The following MAP2K5 variants were observed in gnomAD, a reference collection of about 807,000 sequenced individuals.
MAP2K5 encodes the protein dual specificity mitogen-activated protein kinase kinase 5.
In MAP2K5, 49 loss-of-function variants were observed where a neutral mutation model predicts 83.1. The observed-to-expected ratio is 0.59, with a 90% CI of 0.47 to 0.75. The LOEUF is 0.75. MAP2K5 is among the 30% of genes least tolerant of loss of function. The pLI, the probability that MAP2K5 is intolerant of heterozygous loss-of-function variation, is 0.00. For synonymous variants in MAP2K5, 202 were observed against 191.8 expected, an observed-to-expected ratio of 1.05 and a Z score of -0.44; for missense variants, 457 against 557.5, an observed-to-expected ratio of 0.82 and a Z score of 1.82.
chr15:67,596,297 C>T (rs2085524772), intron 7 of MAP2K5, among the ~76,000 whole-genome samples: 1 of 152,026 alleles, frequency 6.6e-6, no homozygotes, highest in African/African-American at 2.4e-5. Context: ...CGGCCCATGC[C>T]CAGCTACTTA....
chr15:67,784,887 G>A (rs957238225), intron 21 of MAP2K5, among the ~76,000 whole-genome samples: 5 of 152,126 alleles, frequency 3.3e-5, no homozygotes, highest in African/African-American at 9.7e-5. Context: ...GAGCACATTC[G>A]TGTTTAGCTG....
At chr15:67,624,357 A>AAAG (rs2086262678) in intron 8 of MAP2K5, among the ~76,000 whole-genome samples, 2 of 151,036 alleles carry the variant, frequency 1.3e-5, no homozygotes, top group Non-Finnish European at 3.0e-5. Flanking sequence ...AAAAAAAAAA[A>AAAG]AAGAAGTGGC....
chr15:67,549,277 GATTT>G, intron 1 of MAP2K5: 1 of 1,339,142 alleles, frequency 7.5e-7, no homozygotes, highest in Non-Finnish European at 1.0e-6. Flanking sequence ...CAACTTTATA[GATTT>G]ATTTAAGCAT....
chr15:67,612,231 T>A (rs56038097), intron 8 of MAP2K5, among the ~76,000 whole-genome samples: 50,928 of 151,918 alleles, frequency 0.34, 9,478 homozygotes, highest in Non-Finnish European at 0.43. Flanking sequence ...CTCCTATCTA[T>A]CATATTTTAA....
intron 21 of MAP2K5, among the ~76,000 whole-genome samples, chr15:67,799,054 A>G (rs1019137260): frequency 6.6e-6 from 1 of 152,266 alleles, no homozygotes; most frequent in Non-Finnish European, 1.5e-5. Flanking sequence ...CTGTAATCCC[A>G]GCTACTCAGG....
intron 13 of MAP2K5, among the ~76,000 whole-genome samples, chr15:67,684,112 ATTGCATAGGAGTTCCC>A (rs1339685301): frequency 6.6e-6 from 1 of 152,220 alleles, no homozygotes; most frequent in Non-Finnish European, 1.5e-5. Context: ...AGCTCTAGAA[ATTGCATAGGAGTTCCC>A]TTGCGTCTGG....
chr15:67,593,528 T>A (rs535106000), intron 7 of MAP2K5, among the ~76,000 whole-genome samples: 1 of 152,242 alleles, frequency 6.6e-6, no homozygotes, highest in Non-Finnish European at 1.5e-5. Flanking sequence ...TTCTTACTAA[T>A]TTTGATTCAA....
At chr15:67,602,143 T>C (rs969848476) in intron 8 of MAP2K5, among the ~76,000 whole-genome samples, 2 of 152,248 alleles carry the variant, frequency 1.3e-5, no homozygotes, top group Non-Finnish European at 1.5e-5. Flanking sequence ...CTAGCGTTCC[T>C]TCCCACGCAA....
chr15:67,735,914 C>T (rs1393898521), intron 17 of MAP2K5, among the ~76,000 whole-genome samples: 1 of 152,122 alleles, frequency 6.6e-6, no homozygotes, highest in Non-Finnish European at 1.5e-5. Flanking sequence ...CTACTTCTCT[C>T]CCTTTGCAAG....
chr15:67,741,788 G>C (rs1228694154), intron 17 of MAP2K5, among the ~76,000 whole-genome samples: 1 of 152,134 alleles, frequency 6.6e-6, no homozygotes, highest in Non-Finnish European at 1.5e-5. Context: ...AGACATGACT[G>C]CTATCTTCAA....
At position 67,768,439 on chromosome 15, in the gene MAP2K5, G is replaced by T. The variant is rs1163366669; in HGVS notation, c.1135-1163G>T. ...AGTTGTGTGCTAGAGAAATTGTTTG[G>T]CTCCCACCAAATGCTGCATGCTCTG... On this transcript the variant is annotated intron_variant, in intron 19 of 21. Coordinates refer to ENST00000178640, the MANE Select transcript of MAP2K5 (RefSeq NM_145160.3). The surrounding 1 kb of genome is among the most constrained non-coding windows in gnomAD (Gnocchi z 4.0). Among the ~76,000 whole-genome samples, 1 of 152,138 alleles carries T rather than the reference G, an allele frequency of 6.6e-6. No homozygotes were observed. Among genetic ancestry groups the T allele is most frequent in the African/African-American group, 2.4e-5 (1 of 41,436 alleles).
chr15:67,597,530 T>C (rs2085554224), intron 7 of MAP2K5, among the ~76,000 whole-genome samples: 1 of 152,244 alleles, frequency 6.6e-6, no homozygotes, highest in South Asian at 2.1e-4. Flanking sequence ...ATTTTTTAAA[T>C]GATACTTGAT....
At chr15:67,710,379 C>T (rs2141224813) in intron 16 of MAP2K5, among the ~76,000 whole-genome samples, 1 of 151,808 alleles carries the variant, frequency 6.6e-6, no homozygotes, top group Non-Finnish European at 1.5e-5. Context: ...GAATGATGTG[C>T]TGAATGATGA....
intron 17 of MAP2K5, among the ~76,000 whole-genome samples, chr15:67,728,709 T>A (rs1207720072): frequency 6.6e-6 from 1 of 152,238 alleles, no homozygotes; most frequent in Non-Finnish European, 1.5e-5. Flanking sequence ...CATGTCTGAT[T>A]TAAAGGTGGT....
Position 67,703,393 on chromosome 15 carries a change from A to C in MAP2K5, c.1029A>C (p.Gly343=). Residue 343 remains glycine, a synonymous_variant, in exon 16 of 22, where the codon GGA becomes GGC. Transcript: ENST00000178640. ...TTCATTCTGATGTCTGGAGCTTAGG[A>C]ATCTCTTTTATGGAGGTACGTTGTT... ...YGIHSDVWSL[G]ISFMELALGR... is the part of the protein sequence containing the mutation. 1 of 1,613,512 alleles carries C rather than the reference A, an allele frequency of 6.2e-7. No homozygotes were observed. Among genetic ancestry groups the C allele is most frequent in the Non-Finnish European group, 8.5e-7 (1 of 1,179,534 alleles).
intron 2 of MAP2K5, among the ~76,000 whole-genome samples, chr15:67,560,125 A>G (rs1220864743): frequency 1.3e-5 from 2 of 152,230 alleles, no homozygotes; most frequent in African/African-American, 4.8e-5. Context: ...TAATTTGCTT[A>G]GTATGTATTT....
chr15:67,678,945 C>T (rs1222770300), intron 13 of MAP2K5, among the ~76,000 whole-genome samples: 2 of 121,526 alleles, frequency 1.6e-5, no homozygotes, highest in African/African-American at 6.5e-5. Flanking sequence ...GCCTGGCAAC[C>T]GAGTGACACT....
chr15:67,786,840 G>GTACT lies in MAP2K5; in HGVS notation c.1242+14089_1242+14090insACTT, dbSNP rs2090427699. 6.6e-6 allele frequency among the ~76,000 whole-genome samples: 1 copy of GTACT among 152,184 alleles called. No homozygotes were observed. Among genetic ancestry groups the GTACT allele is most frequent in the South Asian group, 2.1e-4 (1 of 4,832 alleles). ...TAGCACAGTGTCTGGCATAAAATAA[G>GTACT]TGTTCAATAAATGGTAACCATTTTT... On this transcript the variant is annotated intron_variant, in intron 21 of 21. Transcript: ENST00000178640. The surrounding 1 kb of genome is among the most constrained non-coding windows in gnomAD (Gnocchi z 4.7).
In MAP2K5 at chr15:67,777,990, A is replaced by T. The variant is rs1039221599; in HGVS notation, c.1242+5238A>T. On this transcript the variant is annotated intron_variant, in intron 21 of 21. Coordinates refer to ENST00000178640, the MANE Select transcript of MAP2K5 (RefSeq NM_145160.3). The surrounding 1 kb of genome is among the most constrained non-coding windows in gnomAD (Gnocchi z 6.0). ...CATGGGTCCTAGAAGGCGGGGTATC[A>T]GTTAAAATCAGAATAGCGCTCTTGG... 6.6e-6 allele frequency among the ~76,000 whole-genome samples: 1 copy of T among 152,248 alleles called. No individual in the cohort carries two copies. The highest frequency in any genetic ancestry group is 1.5e-5 in the Non-Finnish European group (1 of 68,044).
Sources: gnomAD v4.1 joint callset for allele counts (sites outside exome capture counted in the v4.1 genomes callset) on GRCh38, gnomAD v4.1.1 for gene constraint, Gnocchi (gnomAD v3.1) non-coding constraint, MANE v1.5 for transcripts, NCBI Gene and HGNC (gene_info 2026-07-23, HGNC 2026-07-21) for gene names.